Variants in MAST4 observed in about 807,000 individuals in gnomAD.
MAST4 encodes microtubule associated serine/threonine kinase family member 4.
Under a neutral mutation model 162.7 loss-of-function variants are expected in MAST4, and 89 were observed. The ratio of observed to expected loss-of-function variants is 0.55; its 90% CI spans 0.46 to 0.65. The LOEUF is 0.65. Among genes scored for constraint, MAST4 ranks in the 30% least tolerant of loss-of-function variants. The probability of loss-of-function intolerance (pLI) is 0.00; values close to 1 mark genes in which losing one functional copy is unlikely to be tolerated. For synonymous variants in MAST4, 1,479 were observed against 1,361.1 expected (o/e 1.09, Z -1.91); for missense variants, 3,153 against 3,374.0 (o/e 0.93, Z 1.62).
chr5:66,817,485 T>C (rs1776311146), intron 3 of MAST4, among the ~76,000 whole-genome samples: 1 of 152,210 alleles, frequency 6.6e-6, no homozygotes, highest in Admixed American at 6.5e-5. Flanking sequence ...AAGCCTATGT[T>C]CAATAAAGCT....
chr5:67,133,390 T>G, intron 16 of MAST4, 124 bp from the exon 17 acceptor site: 2 of 1,065,208 alleles, frequency 1.9e-6, no homozygotes, highest in African/African-American at 1.6e-5. Context: ...CAGGCTGGGT[T>G]TTGTAATAAG....
chr5:67,116,582 G>T (rs114805020), intron 12 of MAST4, among the ~76,000 whole-genome samples: 1 of 151,364 alleles, frequency 6.6e-6, no homozygotes, highest in Non-Finnish European at 1.5e-5. Context: ...AAATTGCACC[G>T]CGCTGAGTGG....
intron 24 of MAST4, among the ~76,000 whole-genome samples, chr5:67,150,994 C>G (rs1435724078): frequency 6.6e-6 from 1 of 152,162 alleles, no homozygotes; most frequent in East Asian, 1.9e-4. Flanking sequence ...TCACCACACC[C>G]TGGTGAGCCT....
chr5:67,014,196 G>C (rs112665385), intron 4 of MAST4, among the ~76,000 whole-genome samples: 2,630 of 152,094 alleles, frequency 0.017, 86 homozygotes, highest in African/African-American at 0.061. Context: ...CCCAAAAACT[G>C]GTTTATTGTA....
chr5:67,059,137 C>T (rs896144228), intron 5 of MAST4, among the ~76,000 whole-genome samples: 2 of 152,136 alleles, frequency 1.3e-5, no homozygotes, highest in African/African-American at 4.8e-5. Flanking sequence ...GACTGAGTTC[C>T]CCGCTTCACC....
rs1325892386 is a variant in MAST4 at position 66,951,634 on chromosome 5, G to GTATGTA, written c.674+51653_674+51654insATGTAT. ...TGTGTGTGTGTGTGTGTGTGTGTGTGTGTGTGTGTGTGTGTGTGTATTTTT... is the reference window on the plus strand; with the variant it reads ...TGTGTGTGTGTGTGTGTGTGTGTGTGTATGTATGTGTGTGTGTGTGTGTGTATTTTT... On this transcript the variant is annotated intron_variant, in intron 4 of 28. Transcript: ENST00000403625. Among the ~76,000 whole-genome samples, 665 of 148,726 alleles carry GTATGTA rather than the reference G, an allele frequency of 4.5e-3. 24 individuals carry two copies. Among genetic ancestry groups the GTATGTA allele is most frequent in the African/African-American group, 0.016 (620 of 39,206 alleles).
chr5:67,057,610 G>GAAAGAAAAGAAAAGAAAAGAAAAGA (rs61687815), intron 5 of MAST4, among the ~76,000 whole-genome samples: 2,337 of 144,212 alleles, frequency 0.016, 36 homozygotes, highest in Middle Eastern at 0.078. Context: ...AAAAAAGAAG[G>GAAAGAAAAGAAAAGAAAAGAAAAGA]AAAGAAAAGA....
At chr5:66,611,255 A>G (rs1411781892) in intron 1 of MAST4, among the ~76,000 whole-genome samples, 1 of 152,208 alleles carries the variant, frequency 6.6e-6, no homozygotes, top group African/African-American at 2.4e-5. Context: ...ATGAGGCTTT[A>G]AATAATTGCC....
intron 1 of MAST4, among the ~76,000 whole-genome samples, chr5:66,627,073 G>T (rs1744479353): frequency 6.6e-6 from 1 of 152,192 alleles, no homozygotes; most frequent in Admixed American, 6.5e-5. Flanking sequence ...AATTTATAAA[G>T]GAAAGCGGCT....
intron 1 of MAST4, among the ~76,000 whole-genome samples, chr5:66,691,793 C>T (rs1001389640): frequency 4.6e-5 from 7 of 152,128 alleles, no homozygotes; most frequent in Admixed American, 2.6e-4. Context: ...CTAATACTAT[C>T]GCATTGGGGG....
chr5:67,133,574 A>G lies in MAST4; in HGVS notation c.2154A>G (p.Gly718=). ...CAGATTTTGGATTATCTAAGGTGGGACTAATGAGCATGACTACCAACCTTT... is the reference window on the plus strand; with the variant it reads ...CAGATTTTGGATTATCTAAGGTGGGGCTAATGAGCATGACTACCAACCTTT... ...KLTDFGLSKV[G]LMSMTTNLYE... The change falls in exon 17 of 29, where the codon GGA becomes GGG. Residue 718 remains glycine (G), a synonymous_variant. Coordinates refer to ENST00000403625, the MANE Select transcript of MAST4 (RefSeq NM_001164664.2). 1 of 1,613,492 alleles carries G rather than the reference A, an allele frequency of 6.2e-7. No individual in the cohort carries two copies.
At chr5:66,902,775 C>G in intron 4 of MAST4, 1 of 443,810 alleles carries the variant, frequency 2.3e-6, no homozygotes, top group Admixed American at 2.9e-5. Flanking sequence ...TTCCAGCTTC[C>G]TAGACAGCTG....
intron 16 of MAST4, among the ~76,000 whole-genome samples, chr5:67,132,909 T>G (rs1769166458): frequency 6.6e-6 from 1 of 152,118 alleles, no homozygotes; most frequent in Non-Finnish European, 1.5e-5. Flanking sequence ...AAAAAATACC[T>G]CTATTCTTTT....
chr5:66,678,499 A>ATT (rs35152065), intron 1 of MAST4, among the ~76,000 whole-genome samples: 2 of 143,890 alleles, frequency 1.4e-5, no homozygotes, highest in Non-Finnish European at 3.1e-5. Flanking sequence ...TATCAACTAC[A>ATT]TTTTTTTTTT....
At chr5:67,073,486 G>A (rs1242707185) in intron 5 of MAST4, among the ~76,000 whole-genome samples, 1 of 152,166 alleles carries the variant, frequency 6.6e-6, no homozygotes, top group East Asian at 1.9e-4. Flanking sequence ...TCTTACGTAG[G>A]GAGGTTGCTT....
At chr5:66,868,216 A>G (rs36143) in intron 3 of MAST4, among the ~76,000 whole-genome samples, 79,913 of 151,812 alleles carry the variant, frequency 0.53, 22,751 homozygotes, top group Non-Finnish European at 0.64. Flanking sequence ...TGGATGTGTC[A>G]TAGGATCTGG....
chr5:66,780,179 C>T (rs1430297006), intron 2 of MAST4, among the ~76,000 whole-genome samples: 1 of 152,160 alleles, frequency 6.6e-6, no homozygotes, highest in Non-Finnish European at 1.5e-5. Context: ...TTTTCATCAT[C>T]CCAAACTGAA....
intron 4 of MAST4, among the ~76,000 whole-genome samples, chr5:67,043,161 A>AT (rs1345147708): frequency 5.9e-5 from 9 of 152,098 alleles, no homozygotes; most frequent in African/African-American, 1.7e-4. Flanking sequence ...AGACCCTTTT[A>AT]TTTTTTTGGT....
At chr5:66,782,717 T>C (rs539662656) in intron 2 of MAST4, among the ~76,000 whole-genome samples, 2 of 152,218 alleles carry the variant, frequency 1.3e-5, no homozygotes, top group African/African-American at 4.8e-5. Context: ...ACAAGCTCAA[T>C]TTGGTATTAA....
Sources: allele counts gnomAD v4.1 joint callset (sites outside exome capture counted in the v4.1 genomes callset), GRCh38; gene constraint gnomAD v4.1.1; transcripts MANE v1.5; gene names NCBI Gene and HGNC (gene_info 2026-07-23, HGNC 2026-07-21).